HMCN2: variants seen among roughly 807,000 people sequenced by gnomAD.
The protein encoded by HMCN2 is hemicentin 2.
Under a neutral mutation model 377.5 loss-of-function variants are expected in HMCN2, and 325 were observed. That is an observed-to-expected ratio of 0.86 (90% CI 0.79 to 0.94). The LOEUF is 0.94. Among genes scored for constraint, HMCN2 ranks in the 40% least tolerant of loss-of-function variants. The pLI is 0.00. For synonymous variants in HMCN2, 2,007 were observed against 2,046.8 expected (o/e 0.98, Z 0.53); for missense variants, 4,543 against 4,725.3 (o/e 0.96, Z 1.13).
intron 8 of HMCN2, among the ~76,000 whole-genome samples, chr9:130,300,012 T>C (rs1199855283): frequency 7.3e-6 from 1 of 137,464 alleles, no homozygotes; most frequent in Non-Finnish European, 1.6e-5. Flanking sequence ...TCCATCCACT[T>C]ACCCATTCAT....
chr9:130,418,931 A>G lies in HMCN2; in HGVS notation c.13121A>G (p.Asp4374Gly). The stretch of plus-strand genomic sequence containing the variant: ...AGCCGGCGGCTCCGGACCCTGCCCG[A>G]TGGGAGCCTGTGGCTGGAGAACGTG... Reference protein sequence around the residue: ...RASRRLRTLPDGSLWLENVET... With the variant: ...RASRRLRTLPGGSLWLENVET... Residue 4374 changes from aspartate (D) to glycine (G), a missense_variant, in exon 86 of 98, where the codon GAT becomes GGT. Physicochemically the swap from Asp to Gly is moderately conservative, Grantham distance 94. Coordinates refer to ENST00000683500, the MANE Select transcript of HMCN2 (RefSeq NM_001291815.2). 1 of 1,544,086 alleles carries G rather than the reference A, an allele frequency of 6.5e-7. No homozygotes were observed. Among genetic ancestry groups the G allele is most frequent in the Non-Finnish European group, 8.7e-7 (1 of 1,143,776 alleles).
At chr9:130,412,811 A>G (rs900889086) in intron 85 of HMCN2, among the ~76,000 whole-genome samples, 1 of 152,120 alleles carries the variant, frequency 6.6e-6, no homozygotes, top group Non-Finnish European at 1.5e-5. Context: ...TCCTGGCCTC[A>G]AGCAATCCAC....
intron 5 of HMCN2, among the ~76,000 whole-genome samples, 158 bp from the exon 6 acceptor site, chr9:130,295,508 G>A (rs1305903651): frequency 5.3e-5 from 8 of 152,140 alleles, no homozygotes; most frequent in East Asian, 1.9e-4. Flanking sequence ...AGGGTGGAGC[G>A]TGGAGTGAGG....
intron 44 of HMCN2, among the ~76,000 whole-genome samples, chr9:130,368,873 C>G (rs1247083858): frequency 6.6e-6 from 1 of 152,176 alleles, no homozygotes; most frequent in Non-Finnish European, 1.5e-5. Flanking sequence ...TCACCTCCCA[C>G]CAGGTCCCTC....
In HMCN2 at chr9:130,399,555, A is replaced by G. The variant is rs1346794400; in HGVS notation, c.11528A>G (p.Gln3843Arg). The change falls in exon 76 of 98, where the codon CAG (glutamine) becomes CGG (arginine). Residue 3843 changes from glutamine (Q) to arginine (R), a missense_variant. Around this residue, in one of 5 missense-constraint regions of HMCN2, gnomAD observed 1,073 missense variants for 1,319.5 expected, o/e 0.81. Transcript: ENST00000683500. The part of the protein sequence containing the change: ...NALLLTAPGP[Q>R]DSAQFECVVS... ...CTGCTCCTCACGGCCCCCGGCCCCC[A>G]GGACTCAGCCCAGTTTGAATGCGTG... is the stretch of plus-strand genomic sequence containing the variant. 7.8e-7 allele frequency: 1 copy of G among 1,289,624 alleles called. No homozygotes were observed. The highest frequency in any genetic ancestry group is 1.0e-6 in the Non-Finnish European group (1 of 988,724). 79.9% of individuals were successfully genotyped at this position (1,289,624 alleles called of 1,614,324 possible).
chr9:130,397,775 A>T (rs548624325), intron 74 of HMCN2, 120 bp downstream of exon 74: 1 of 926,454 alleles, frequency 1.1e-6, no homozygotes, highest in Non-Finnish European at 1.4e-6. Context: ...GTTTTTGACC[A>T]TGAAGCCCAT....
chr9:130,417,347 C>T (rs1357016776), intron 85 of HMCN2, among the ~76,000 whole-genome samples: 1 of 151,790 alleles, frequency 6.6e-6, no homozygotes, highest in Non-Finnish European at 1.5e-5. Context: ...TATGGCAAAA[C>T]CCCGTCTCTA....
intron 77 of HMCN2, 38 bp from the exon 78 acceptor site, chr9:130,402,751 C>T (rs1842914062): frequency 8.0e-7 from 1 of 1,255,634 alleles, no homozygotes; most frequent in Non-Finnish European, 1.0e-6. Flanking sequence ...CCCTGGGGAC[C>T]TCTGTCCTGA....
intron 7 of HMCN2, among the ~76,000 whole-genome samples, chr9:130,297,397 C>T (rs1836229729): frequency 6.6e-6 from 1 of 152,216 alleles, no homozygotes; most frequent in Non-Finnish European, 1.5e-5. Context: ...TATGGTTCTG[C>T]TGGGAGAAGC....
chr9:130,384,754 A>G lies in HMCN2; in HGVS notation c.9062A>G (p.Asn3021Ser), dbSNP rs769273186. 46 of 1,303,176 alleles carry G rather than the reference A, an allele frequency of 3.5e-5. No homozygotes were observed. The highest frequency in any genetic ancestry group is 3.0e-4 in the African/African-American group (20 of 65,842). 80.7% of individuals were successfully genotyped at this position (1,303,176 alleles called of 1,614,324 possible). Residue 3021 changes from asparagine (N) to serine (S), a missense_variant, in exon 59 of 98, where the codon AAT becomes AGT. Around this residue, in one of 5 missense-constraint regions of HMCN2, gnomAD observed 736 missense variants for 773.2 expected, o/e 0.95. Transcript: ENST00000683500. Reference sequence around the variant, plus strand: ...GGGATGTACACATGCGAAGCCCTCAATGCTGCCGGCCGAGACCAGAAGCTG... The same window carrying G: ...GGGATGTACACATGCGAAGCCCTCAGTGCTGCCGGCCGAGACCAGAAGCTG... ...DSGMYTCEAL[N>S]AAGRDQKLVQ... is the part of the protein sequence containing the mutation.
chr9:130,408,911 C>T lies in HMCN2; in HGVS notation c.12857C>T (p.Ser4286Leu), dbSNP rs970338816. The change falls in exon 84 of 98, where the codon TCG becomes TTG. Residue 4286 changes from serine (S) to leucine (L), a missense_variant. Around this residue, in one of 5 missense-constraint regions of HMCN2, gnomAD observed 1,155 missense variants for 1,157.7 expected, o/e 1.00. Coordinates refer to ENST00000683500, the MANE Select transcript of HMCN2 (RefSeq NM_001291815.2). Reference sequence around the variant, plus strand: ...CTCCGGCACCAGCTGCAGAATGGCTCGCTGACCATCCGCAGGACTGAGGCA... The same window carrying T: ...CTCCGGCACCAGCTGCAGAATGGCTTGCTGACCATCCGCAGGACTGAGGCA... ...SHLRHQLQNG[S>L]LTIRRTERDD... The T allele has an allele frequency of 2.0e-5, 26 of 1,289,500 alleles. No individual in the cohort carries two copies. The East Asian group carries it at 3.3e-4, about 17-fold the overall frequency. 79.9% of individuals were successfully genotyped at this position (1,289,500 alleles called of 1,614,324 possible). A position where few individuals can be genotyped will look rare whatever the true frequency, so the allele number is the denominator to read the frequency against.
intron 1 of HMCN2, among the ~76,000 whole-genome samples, chr9:130,278,030 TCATCACCACCACCATCATCATTAC>T (rs1834879019): frequency 2.2e-5 from 2 of 91,850 alleles, no homozygotes; most frequent in Admixed American, 1.1e-4. Flanking sequence ...ACCACCACGA[TCATCACCACCACCATCATCATTAC>T]CACCACCACC....
rs1030944875 is a variant in HMCN2 at position 130,393,468 on chromosome 9, G to A, written c.10234+159G>A. Among the ~76,000 whole-genome samples the A allele has an allele frequency of 2.0e-5, 3 of 152,248 alleles. No individual in the cohort carries two copies. The highest frequency in any genetic ancestry group is 6.5e-5 in the Admixed American group (1 of 15,284). ...CAGTCTCTGACTCACTGTATTGCTC[G>A]TTTGTACCTCACAAGTGGCTGTGGG... On this transcript the variant is annotated intron_variant, in intron 67 of 97. Coordinates refer to ENST00000683500, the MANE Select transcript of HMCN2 (RefSeq NM_001291815.2). The surrounding 1 kb of genome is among the most constrained non-coding windows in gnomAD (Gnocchi z 5.2).
intron 59 of HMCN2, 59 bp downstream of exon 59, chr9:130,384,857 C>T: frequency 9.2e-7 from 1 of 1,092,038 alleles, no homozygotes; most frequent in Non-Finnish European, 1.2e-6. Flanking sequence ...ACCCCTCAGC[C>T]CATACTCCCC....
At chr9:130,320,037 C>T (rs1439111122) in intron 16 of HMCN2, among the ~76,000 whole-genome samples, 1 of 152,260 alleles carries the variant, frequency 6.6e-6, no homozygotes, top group East Asian at 1.9e-4. Flanking sequence ...ATTACTACTG[C>T]GCCTACCCTA....
chr9:130,331,929 T>C (rs972677247), intron 22 of HMCN2, among the ~76,000 whole-genome samples: 16 of 152,292 alleles, frequency 1.1e-4, no homozygotes, highest in African/African-American at 3.6e-4. Context: ...TTTCTTCCTT[T>C]GATACCCCCA....
Position 130,410,589 on chromosome 9 carries a change from T to C in HMCN2, c.12898T>C (p.Tyr4300His). The change falls in exon 85 of 98, where the codon TAC becomes CAC. Residue 4300 changes from tyrosine (Y) to histidine (H), a missense_variant. Coordinates refer to ENST00000683500, the MANE Select transcript of HMCN2 (RefSeq NM_001291815.2). ...CTTGCAGAGGGACGATGCGGGACGG[T>C]ACCAGTGCCTGGCAGAGAATGAGAT... The part of the protein sequence containing the change: ...RRTERDDAGR[Y>H]QCLAENEMGV... The C allele has an allele frequency of 6.4e-7, 1 of 1,550,574 alleles. No individual in the cohort carries two copies. The highest frequency in any genetic ancestry group is 8.7e-7 in the Non-Finnish European group (1 of 1,146,996).
At chr9:130,294,786 CT>C (rs1554931318) in intron 4 of HMCN2, 68 bp from the exon 5 acceptor site, 1 of 361,282 alleles carries the variant, frequency 2.8e-6, no homozygotes, top group African/African-American at 2.2e-5. Context: ...TGTATGCTGC[CT>C]AAAATCCATG....
In HMCN2 at chr9:130,353,049, G is replaced by A. The variant is rs1346737372; in HGVS notation, c.4708G>A (p.Gly1570Arg). 13 of 1,304,064 alleles carry A rather than the reference G, an allele frequency of 1.0e-5. No individual in the cohort carries two copies. In the East Asian group the frequency reaches 1.7e-4, roughly 17 times the overall value. The allele number at this position is 1,304,064 out of a possible 1,614,324, so 80.8% of individuals were successfully genotyped here. ...CCCAAACATCACCTGGTTCAAGGAC[G>A]GGGCCCTGCTCCCCACCAGCACCAA... The part of the protein sequence containing the change: ...PTPNITWFKD[G>R]ALLPTSTKVV... Residue 1570 changes from glycine (G) to arginine (R), a missense_variant, in exon 31 of 98, where the codon GGG becomes AGG. Around this residue, in one of 5 missense-constraint regions of HMCN2, gnomAD observed 1,032 missense variants for 1,285.1 expected, o/e 0.80. Coordinates refer to ENST00000683500, the MANE Select transcript of HMCN2 (RefSeq NM_001291815.2).
Sources: gnomAD v4.1 joint callset for allele counts (sites outside exome capture counted in the v4.1 genomes callset) on GRCh38, gnomAD v4.1.1 for gene constraint, gnomAD v4.1.1 regional missense constraint, Gnocchi (gnomAD v3.1) non-coding constraint, MANE v1.5 for transcripts, NCBI Gene and HGNC (gene_info 2026-07-23, HGNC 2026-07-21) for gene names.